FRMD6: variants seen among roughly 807,000 people sequenced by gnomAD.
The protein encoded by FRMD6 is FERM domain containing 6.
Under a neutral mutation model 73.2 loss-of-function variants are expected in FRMD6, and 37 were observed. That is an observed-to-expected ratio of 0.51 (90% CI 0.39 to 0.66). The LOEUF is 0.66. Among genes scored for constraint, FRMD6 ranks in the 30% least tolerant of loss-of-function variants. The probability of loss-of-function intolerance (pLI) is 0.00; values close to 1 mark genes in which losing one functional copy is unlikely to be tolerated. For synonymous variants in FRMD6, 273 were observed against 282.2 expected, an observed-to-expected ratio of 0.97 and a Z score of 0.33; for missense variants, 714 against 780.5, an observed-to-expected ratio of 0.91 and a Z score of 1.02.
intron 3 of FRMD6, among the ~76,000 whole-genome samples, chr14:51,699,226 T>C (rs1896135955): frequency 6.6e-6 from 1 of 152,110 alleles, no homozygotes. Context: ...CAGGACCTTG[T>C]GAATCAGCCA....
At chr14:51,419,970 G>A in the FRMD6 span, among the ~76,000 whole-genome samples, 1 of 151,228 alleles carries the variant, frequency 6.6e-6, no homozygotes, top group East Asian at 1.9e-4. Context: ...TCCTGCCCTC[G>A]TTAGGTGTGG....
the FRMD6 span, among the ~76,000 whole-genome samples, chr14:51,426,335 G>A: frequency 2.0e-5 from 3 of 151,982 alleles, no homozygotes; most frequent in African/African-American, 2.4e-5. Flanking sequence ...TGCACTCTCT[G>A]ACTGTGCCCG....
chr14:51,409,601 A>G, the FRMD6 span, among the ~76,000 whole-genome samples: 1 of 151,744 alleles, frequency 6.6e-6, no homozygotes, highest in Non-Finnish European at 1.5e-5. Context: ...TTCCTTATTT[A>G]TTGTTATTAT....
the FRMD6 span, among the ~76,000 whole-genome samples, chr14:51,448,972 G>A: frequency 6.6e-6 from 1 of 152,218 alleles, no homozygotes; most frequent in African/African-American, 2.4e-5. Flanking sequence ...TCAGGCACCA[G>A]GTAAATGGGA....
chr14:51,439,645 A>G, the FRMD6 span, among the ~76,000 whole-genome samples: 1 of 152,164 alleles, frequency 6.6e-6, no homozygotes, highest in Non-Finnish European at 1.5e-5. Context: ...CAAAGGTAAG[A>G]TATCTTAACC....
chr14:51,456,784 G>A, the FRMD6 span, among the ~76,000 whole-genome samples: 1 of 152,178 alleles, frequency 6.6e-6, no homozygotes, highest in Admixed American at 6.5e-5. Context: ...TAAAGAAAAT[G>A]TGGCATATAT....
intron 1 of FRMD6, among the ~76,000 whole-genome samples, chr14:51,535,782 A>G (rs1306801473): frequency 6.6e-6 from 1 of 152,172 alleles, no homozygotes; most frequent in Non-Finnish European, 1.5e-5. Flanking sequence ...ACTTTCCCAA[A>G]GTGGCTGCTC....
intron 1 of FRMD6, among the ~76,000 whole-genome samples, chr14:51,490,600 G>A (rs562505248): frequency 8.3e-5 from 11 of 133,046 alleles, no homozygotes; most frequent in African/African-American, 2.7e-4. Context: ...GGTCCTGGAC[G>A]ATATATGTGT....
At chr14:51,434,421 A>G in the FRMD6 span, among the ~76,000 whole-genome samples, 1 of 152,176 alleles carries the variant, frequency 6.6e-6, no homozygotes, top group Non-Finnish European at 1.5e-5. Flanking sequence ...GAAGGTAAGG[A>G]AGTACTCAAA....
chr14:51,588,583 A>G (rs1889191639), intron 2 of FRMD6, among the ~76,000 whole-genome samples: 3 of 152,170 alleles, frequency 2.0e-5, no homozygotes, highest in African/African-American at 4.8e-5. Flanking sequence ...TGGTTCTCCC[A>G]TTCCCTTTGA....
intron 2 of FRMD6, among the ~76,000 whole-genome samples, chr14:51,639,819 A>G (rs538365653): frequency 5.9e-5 from 9 of 152,342 alleles, no homozygotes; most frequent in South Asian, 2.1e-4. Context: ...TATGTAAAAT[A>G]TAGAGATATC....
intron 1 of FRMD6, among the ~76,000 whole-genome samples, chr14:51,519,832 G>C (rs1193459400): frequency 6.6e-6 from 1 of 152,182 alleles, no homozygotes; most frequent in African/African-American, 2.4e-5. Flanking sequence ...TCTTGTGTTA[G>C]ATAAGCCCAG....
chr14:51,495,525 A>G (rs781638033), intron 1 of FRMD6, among the ~76,000 whole-genome samples: 14 of 152,216 alleles, frequency 9.2e-5, no homozygotes, highest in Non-Finnish European at 1.8e-4. Flanking sequence ...GAAACCAGCA[A>G]CAAATACAAG....
At chr14:51,469,186 G>A in the FRMD6 span, among the ~76,000 whole-genome samples, 6 of 151,622 alleles carry the variant, frequency 4.0e-5, no homozygotes, top group African/African-American at 4.8e-5. Context: ...GTGATCCGCC[G>A]CCTAGGCCTC....
At chr14:51,436,211 T>C in the FRMD6 span, 2 of 339,180 alleles carry the variant, frequency 5.9e-6, no homozygotes, top group South Asian at 3.2e-5. Context: ...ACAGACTTAA[T>C]GAACAAGCCA....
At chr14:51,693,747 G>T (rs776578680) in intron 2 of FRMD6, among the ~76,000 whole-genome samples, 4 of 152,142 alleles carry the variant, frequency 2.6e-5, no homozygotes, top group Non-Finnish European at 4.4e-5. Flanking sequence ...TGAATCCCAT[G>T]TAGGCCTGCA....
chr14:51,485,502 A>G (rs1423519614), upstream of FRMD6, among the ~76,000 whole-genome samples: 3 of 152,338 alleles, frequency 2.0e-5, no homozygotes, highest in East Asian at 5.8e-4. Flanking sequence ...TGCACTGTGC[A>G]GAAGATTTGT....
the FRMD6 span, among the ~76,000 whole-genome samples, chr14:51,414,089 C>T: frequency 1.6e-4 from 24 of 152,052 alleles, no homozygotes; most frequent in African/African-American, 5.5e-4. Context: ...AAAATTTTCT[C>T]CCATTCTGTA....
chr14:51,538,426 T>C (rs1015393888), intron 1 of FRMD6, among the ~76,000 whole-genome samples: 1 of 152,176 alleles, frequency 6.6e-6, no homozygotes, highest in Non-Finnish European at 1.5e-5. Flanking sequence ...TCAATTCTTT[T>C]CCTTTGTCAC....
Sources: gnomAD v4.1 joint callset for allele counts (sites outside exome capture counted in the v4.1 genomes callset) on GRCh38, gnomAD v4.1.1 for gene constraint, MANE v1.5 for transcripts, NCBI Gene and HGNC (gene_info 2026-07-23, HGNC 2026-07-21) for gene names.